The following ANKS1B variants were observed in gnomAD, a reference collection of about 807,000 sequenced individuals.
The protein encoded by ANKS1B is ankyrin repeat and sterile alpha motif domain containing 1B.
Under a neutral mutation model 148.3 loss-of-function variants are expected in ANKS1B, and 36 were observed. The observed-to-expected ratio is 0.24, with a 90% CI of 0.19 to 0.32. ANKS1B has a LOEUF of 0.32. Ranked by LOEUF, ANKS1B falls within the 10% of genes least tolerant of loss-of-function variation. The pLI, the probability that ANKS1B is intolerant of heterozygous loss-of-function variation, is 1.00. For missense variants in ANKS1B, 1,157 were observed against 1,542.6 expected (o/e 0.75, Z 4.19); for synonymous variants, 542 against 560.8 (o/e 0.97, Z 0.47).
chr12:98,856,143 A>G (rs964197813), intron 17 of ANKS1B, among the ~76,000 whole-genome samples: 3 of 152,230 alleles, frequency 2.0e-5, no homozygotes, highest in Admixed American at 6.5e-5. Flanking sequence ...TGAGGTGCAT[A>G]TATCAGTGGC....
At chr12:99,666,685 G>A (rs894498932) in intron 8 of ANKS1B, among the ~76,000 whole-genome samples, 15 of 152,020 alleles carry the variant, frequency 9.9e-5, no homozygotes, top group African/African-American at 3.4e-4. Context: ...CTTTCAAATG[G>A]TATTATTAGG....
chr12:99,536,182 T>C (rs895677859), intron 9 of ANKS1B, among the ~76,000 whole-genome samples: 1 of 152,146 alleles, frequency 6.6e-6, no homozygotes, highest in Non-Finnish European at 1.5e-5. Context: ...TCCTGACCCA[T>C]AGAATGTACA....
At chr12:99,331,146 T>C (rs1320360253) in intron 12 of ANKS1B, among the ~76,000 whole-genome samples, 1 of 152,002 alleles carries the variant, frequency 6.6e-6, no homozygotes, top group African/African-American at 2.4e-5. Flanking sequence ...TATATGACCG[T>C]GCATGTGTTA....
intron 8 of ANKS1B, among the ~76,000 whole-genome samples, chr12:99,669,453 G>C (rs1209417029): frequency 1.3e-5 from 2 of 151,768 alleles, no homozygotes; most frequent in Non-Finnish European, 2.9e-5. Context: ...TTTTAGGTGG[G>C]TCTACAGTAA....
At chr12:99,081,716 A>C (rs2049839179) in intron 16 of ANKS1B, among the ~76,000 whole-genome samples, 1 of 152,194 alleles carries the variant, frequency 6.6e-6, no homozygotes, top group Admixed American at 6.5e-5. Context: ...ATTCTGTATT[A>C]GAAATAAACA....
At chr12:98,818,092 T>A (rs2099155804) in intron 19 of ANKS1B, among the ~76,000 whole-genome samples, 1 of 152,062 alleles carries the variant, frequency 6.6e-6, no homozygotes, top group African/African-American at 2.4e-5. Context: ...AGGTTTTCCT[T>A]CCATTCCCTT....
intron 12 of ANKS1B, among the ~76,000 whole-genome samples, chr12:99,311,848 T>C (rs991371039): frequency 6.6e-6 from 1 of 152,122 alleles, no homozygotes; most frequent in South Asian, 2.1e-4. Flanking sequence ...CTTTTTATAG[T>C]ATTGAGGAGG....
intron 16 of ANKS1B, among the ~76,000 whole-genome samples, chr12:99,062,957 G>A (rs1251693299): frequency 6.6e-6 from 1 of 152,170 alleles, no homozygotes; most frequent in Non-Finnish European, 1.5e-5. Context: ...AAGCTACATG[G>A]TTTAGACTTG....
At chr12:99,538,140 T>C (rs1300123264) in intron 9 of ANKS1B, among the ~76,000 whole-genome samples, 2 of 152,156 alleles carry the variant, frequency 1.3e-5, no homozygotes, top group African/African-American at 2.4e-5. Flanking sequence ...GACAGTGTCA[T>C]ACTGTTTTGG....
intron 9 of ANKS1B, among the ~76,000 whole-genome samples, chr12:99,563,220 T>C (rs12296275): frequency 0.036 from 5,473 of 152,298 alleles, 271 homozygotes; most frequent in African/African-American, 0.11. Context: ...CTTTTAATTT[T>C]CTTCAAGAAC....
chr12:99,378,779 T>A (rs906921556), intron 12 of ANKS1B, among the ~76,000 whole-genome samples: 1 of 151,862 alleles, frequency 6.6e-6, no homozygotes, highest in African/African-American at 2.4e-5. Context: ...TATGCATAGG[T>A]CACTTATTAT....
chr12:99,680,381 C>T (rs2098607251), intron 8 of ANKS1B, among the ~76,000 whole-genome samples: 1 of 151,880 alleles, frequency 6.6e-6, no homozygotes, highest in South Asian at 2.1e-4. Context: ...GCAGAGGTTG[C>T]AGTGAGCCAC....
intron 17 of ANKS1B, among the ~76,000 whole-genome samples, chr12:99,041,807 C>T (rs2099959179): frequency 6.6e-6 from 1 of 152,006 alleles, no homozygotes; most frequent in Non-Finnish European, 1.5e-5. Flanking sequence ...TCACAACAAG[C>T]CTAGGTAACA....
At chr12:99,552,090 A>AG (rs1251346217) in intron 9 of ANKS1B, among the ~76,000 whole-genome samples, 3 of 152,054 alleles carry the variant, frequency 2.0e-5, no homozygotes, top group Non-Finnish European at 4.4e-5. Context: ...GTGCTCCTTT[A>AG]GGACTCAGTT....
intron 17 of ANKS1B, among the ~76,000 whole-genome samples, chr12:99,032,741 G>T (rs1353279114): frequency 2.0e-5 from 3 of 152,060 alleles, no homozygotes; most frequent in Non-Finnish European, 4.4e-5. Flanking sequence ...TTTTTGTTGG[G>T]TCTCATGAAC....
chr12:99,644,932 C>T lies in ANKS1B; in HGVS notation c.1272+10135G>A, dbSNP rs1244533280. ...CTCTACTTCCATCATCACATATCTTCTGACTCTGACCCTGCTGCCTTTCTC... is the reference window on the plus strand; with the variant it reads ...CTCTACTTCCATCATCACATATCTTTTGACTCTGACCCTGCTGCCTTTCTC... On this transcript the variant is annotated intron_variant, in intron 9 of 26. Coordinates refer to ENST00000683438, the MANE Select transcript of ANKS1B (RefSeq NM_001352186.2). Among the ~76,000 whole-genome samples, 11 of 152,150 alleles carry T rather than the reference C, an allele frequency of 7.2e-5. 1 individual carries two copies. The highest frequency in any genetic ancestry group is 7.2e-4 in the Admixed American group (11 of 15,268).
intron 14 of ANKS1B, among the ~76,000 whole-genome samples, chr12:99,240,338 G>A (rs906739870): frequency 8.5e-5 from 13 of 152,174 alleles, no homozygotes; most frequent in African/African-American, 2.9e-4. Context: ...AATGGTAAAC[G>A]GATCAATTCA....
chr12:99,085,535 T>C (rs2153630224), intron 15 of ANKS1B, among the ~76,000 whole-genome samples: 1 of 152,280 alleles, frequency 6.6e-6, no homozygotes. Flanking sequence ...AATTGACATA[T>C]ATTAGGCAGG....
At chr12:99,644,273 T>C (rs1455896235) in intron 9 of ANKS1B, among the ~76,000 whole-genome samples, 2 of 152,214 alleles carry the variant, frequency 1.3e-5, no homozygotes, top group Admixed American at 1.3e-4. Context: ...TTCTGAGTCC[T>C]TATCAGAAGC....
Sources: allele counts gnomAD v4.1 joint callset (sites outside exome capture counted in the v4.1 genomes callset), GRCh38; gene constraint gnomAD v4.1.1; transcripts MANE v1.5; gene names NCBI Gene and HGNC (gene_info 2026-07-23, HGNC 2026-07-21).